Variants in POU3F3 observed in about 807,000 individuals in gnomAD.
The protein encoded by POU3F3 is POU domain, class 3, transcription factor 3.
A neutral mutation model predicts 8.6 loss-of-function variants in POU3F3; 1 was observed. The ratio of observed to expected loss-of-function variants is 0.12; its 90% CI spans 0.04 to 0.55. POU3F3 has a LOEUF of 0.55. POU3F3 is among the 20% of genes least tolerant of loss of function. The probability of loss-of-function intolerance (pLI) is 0.91; values close to 1 mark genes in which losing one functional copy is unlikely to be tolerated. For synonymous variants in POU3F3, 418 were observed against 327.4 expected (o/e 1.28, Z -2.99); for missense variants, 577 against 690.7 (o/e 0.84, Z 1.84).
At chr2:104,908,509 C>G in the POU3F3 span, among the ~76,000 whole-genome samples, 3 of 152,128 alleles carry the variant, frequency 2.0e-5, no homozygotes, top group African/African-American at 7.2e-5. Flanking sequence ...ACGTGACCAC[C>G]TTGTCCAAGG....
chr2:104,886,168 G>T, the POU3F3 span, among the ~76,000 whole-genome samples: 3 of 152,006 alleles, frequency 2.0e-5, no homozygotes, highest in African/African-American at 7.2e-5. Context: ...TTTCTTGCAC[G>T]ATGTCCAAGA....
the POU3F3 span, among the ~76,000 whole-genome samples, chr2:104,904,413 A>G: frequency 6.6e-6 from 1 of 152,194 alleles, no homozygotes; most frequent in Non-Finnish European, 1.5e-5. Flanking sequence ...AGTCCTGGAA[A>G]TGTGAGTTTG....
chr2:104,888,558 C>T, the POU3F3 span, among the ~76,000 whole-genome samples: 5 of 152,134 alleles, frequency 3.3e-5, no homozygotes, highest in South Asian at 2.1e-4. Flanking sequence ...AAATGTCTTT[C>T]AAGGCATGGT....
chr2:104,857,107 C>G lies in POU3F3; in HGVS notation c.*94C>G, dbSNP rs1335509295. 3 of 979,004 alleles carry G rather than the reference C, an allele frequency of 3.1e-6. No homozygotes were observed. Among genetic ancestry groups the G allele is most frequent in the Non-Finnish European group, 3.6e-6 (3 of 826,320 alleles). 60.6% of individuals were successfully genotyped at this position (979,004 alleles called of 1,614,324 possible). ...GCCCCTGCCGCCGCCGCCGCCGCCG[C>G]CGCCGCCGCTGCCGCCGCCGCGCCG... is the stretch of plus-strand genomic sequence containing the variant. On this transcript the variant is annotated 3_prime_UTR_variant, in exon 1 of 1. Coordinates refer to ENST00000361360, the MANE Select transcript of POU3F3 (RefSeq NM_006236.3).
the POU3F3 span, among the ~76,000 whole-genome samples, chr2:104,872,958 C>G: frequency 6.6e-6 from 1 of 152,142 alleles, no homozygotes; most frequent in Non-Finnish European, 1.5e-5. The surrounding 1 kb of genome is among the most constrained non-coding windows in gnomAD (Gnocchi z 4.6). Flanking sequence ...TTAAAATTAG[C>G]TGTCGCATCT....
the POU3F3 span, among the ~76,000 whole-genome samples, chr2:104,874,848 T>C: frequency 6.6e-6 from 1 of 152,250 alleles, no homozygotes. Context: ...ACATATAATT[T>C]ACCATTTTTA....
At chr2:104,853,440 G>C (rs527894550), upstream of POU3F3, 1 of 152,424 alleles carries the variant, frequency 6.6e-6, no homozygotes, top group South Asian at 2.1e-4. Context: ...GGATTTCCAA[G>C]GAGCGTGGCC....
At chr2:104,923,939 A>G in the POU3F3 span, among the ~76,000 whole-genome samples, 2 of 152,316 alleles carry the variant, frequency 1.3e-5, no homozygotes, top group East Asian at 3.9e-4. Context: ...AGGTGCATAG[A>G]GTAGTCAAAT....
the POU3F3 span, among the ~76,000 whole-genome samples, chr2:104,881,746 C>T: frequency 2.0e-5 from 3 of 152,126 alleles, no homozygotes; most frequent in Admixed American, 6.5e-5. Flanking sequence ...GGGAGGGTTC[C>T]GATGGAGGGT....
At chr2:104,900,976 C>T in the POU3F3 span, among the ~76,000 whole-genome samples, 1 of 152,246 alleles carries the variant, frequency 6.6e-6, no homozygotes, top group African/African-American at 2.4e-5. Context: ...CCCTGGTTGC[C>T]TGCTCCACTT....
downstream of POU3F3, among the ~76,000 whole-genome samples, chr2:104,859,143 C>T (rs199503704): frequency 4.8e-5 from 6 of 126,292 alleles, no homozygotes; most frequent in African/African-American, 1.6e-4. Context: ...TGGGTTTTTT[C>T]CCCCCGTAAT....
At chr2:104,916,724 G>A in the POU3F3 span, among the ~76,000 whole-genome samples, 4 of 152,102 alleles carry the variant, frequency 2.6e-5, no homozygotes, top group South Asian at 8.3e-4. Flanking sequence ...CAAGGGGAGG[G>A]GATGGGAGTC....
At chr2:104,904,363 A>G in the POU3F3 span, among the ~76,000 whole-genome samples, 29 of 152,304 alleles carry the variant, frequency 1.9e-4, no homozygotes, top group Non-Finnish European at 4.1e-4. Flanking sequence ...GGGCCACTGT[A>G]AAGTGTACAT....
chr2:104,864,281 G>C, the POU3F3 span, among the ~76,000 whole-genome samples: 1 of 152,250 alleles, frequency 6.6e-6, no homozygotes, highest in Admixed American at 6.5e-5. Context: ...GTGAGCCTTA[G>C]AAAGATCCCG....
chr2:104,921,221 C>T, the POU3F3 span, among the ~76,000 whole-genome samples: 15 of 151,992 alleles, frequency 9.9e-5, no homozygotes, highest in Middle Eastern at 3.2e-3. Context: ...TAGTGGTGTA[C>T]GCTTCATAGC....
At chr2:104,913,039 GT>G in the POU3F3 span, among the ~76,000 whole-genome samples, 1 of 152,188 alleles carries the variant, frequency 6.6e-6, no homozygotes, top group Non-Finnish European at 1.5e-5. Context: ...AGAAAAACAT[GT>G]AGTGGGCTTT....
chr2:104,875,096 A>G, the POU3F3 span, among the ~76,000 whole-genome samples: 2 of 152,182 alleles, frequency 1.3e-5, no homozygotes, highest in South Asian at 4.1e-4. Flanking sequence ...CACAATACTC[A>G]TCTTTTTGTG....
the POU3F3 span, among the ~76,000 whole-genome samples, chr2:104,916,463 G>A: frequency 2.6e-5 from 4 of 152,150 alleles, no homozygotes; most frequent in African/African-American, 9.7e-5. Context: ...TGAGGTTATA[G>A]TCAGGCTGTC....
chr2:104,905,917 C>A, the POU3F3 span, among the ~76,000 whole-genome samples: 2 of 152,180 alleles, frequency 1.3e-5, no homozygotes, highest in East Asian at 1.9e-4. Context: ...CTTGAACACA[C>A]CTTTTGAGGG....
Sources: allele counts gnomAD v4.1 joint callset (sites outside exome capture counted in the v4.1 genomes callset), GRCh38; gene constraint gnomAD v4.1.1; non-coding constraint Gnocchi (gnomAD v3.1); transcripts MANE v1.5; gene names NCBI Gene and HGNC (gene_info 2026-07-23, HGNC 2026-07-21).